The following NCKAP5 variants were observed in gnomAD, a reference collection of about 807,000 sequenced individuals.
NCKAP5 encodes NCK associated protein 5.
In NCKAP5, 92 loss-of-function variants were observed where a neutral mutation model predicts 167.0. The ratio of observed to expected loss-of-function variants is 0.55; its 90% CI spans 0.47 to 0.66. The LOEUF is 0.66. Among genes scored for constraint, NCKAP5 ranks in the 30% least tolerant of loss-of-function variants. The pLI is 0.00. For synonymous variants in NCKAP5, 891 were observed against 877.4 expected, an observed-to-expected ratio of 1.02 and a Z score of -0.27; for missense variants, 2,378 against 2,315.0, an observed-to-expected ratio of 1.03 and a Z score of -0.56.
At chr2:133,595,172 C>A in the NCKAP5 span, among the ~76,000 whole-genome samples, 6 of 152,214 alleles carry the variant, frequency 3.9e-5, no homozygotes, top group African/African-American at 1.4e-4. Flanking sequence ...AGGTCAAGAA[C>A]AAAGAGGCAA....
intron 6 of NCKAP5, among the ~76,000 whole-genome samples, chr2:133,009,263 C>T (rs1032547757): frequency 4.6e-5 from 7 of 152,218 alleles, no homozygotes; most frequent in South Asian, 2.1e-4. Context: ...TGGTTACATA[C>T]GAACAAAATG....
At chr2:132,791,370 G>T (rs1023142351) in intron 12 of NCKAP5, among the ~76,000 whole-genome samples, 7 of 152,322 alleles carry the variant, frequency 4.6e-5, no homozygotes, top group Middle Eastern at 3.4e-3. Flanking sequence ...TGGGTTTTTA[G>T]TGGAAGGTTC....
At chr2:133,032,144 G>T (rs1455227675) in intron 6 of NCKAP5, among the ~76,000 whole-genome samples, 4 of 152,064 alleles carry the variant, frequency 2.6e-5, no homozygotes, top group African/African-American at 7.2e-5. Flanking sequence ...AGCCACAGGG[G>T]AGAAAAGCAC....
At chr2:133,250,175 A>G (rs1230936650) in intron 4 of NCKAP5, among the ~76,000 whole-genome samples, 1 of 152,092 alleles carries the variant, frequency 6.6e-6, no homozygotes, top group Non-Finnish European at 1.5e-5. Context: ...TTTTGTTTCA[A>G]TGAACAGATA....
chr2:133,145,339 G>A (rs566763506), intron 5 of NCKAP5, among the ~76,000 whole-genome samples: 7 of 151,832 alleles, frequency 4.6e-5, no homozygotes, highest in Non-Finnish European at 8.8e-5. Context: ...GGGGCCTGTC[G>A]GGAAGTAGGG....
intron 5 of NCKAP5, among the ~76,000 whole-genome samples, chr2:133,130,621 A>G (rs550344639): frequency 2.0e-5 from 3 of 152,340 alleles, no homozygotes; most frequent in Middle Eastern, 3.4e-3. Flanking sequence ...TTGTCCAGTT[A>G]GGTCTTCAGA....
At chr2:133,590,257 G>A in the NCKAP5 span, among the ~76,000 whole-genome samples, 44 of 152,058 alleles carry the variant, frequency 2.9e-4, no homozygotes, top group Middle Eastern at 3.4e-3. Flanking sequence ...TTGGGAGGCC[G>A]AGGTGGGCAG....
Position 133,317,147 on chromosome 2 carries a change from T to C in NCKAP5, c.70-14037A>G, listed in dbSNP as rs558001225. ...ACAAAAAATAAACGTGTATCACCAA[T>C]AGAGAACATGAAAGCAAACCAAAAG... On this transcript the variant is annotated intron_variant, in intron 3 of 19. Coordinates refer to ENST00000409261, the MANE Select transcript of NCKAP5 (RefSeq NM_207363.3). Among the ~76,000 whole-genome samples, 4 of 152,148 alleles carry C rather than the reference T, an allele frequency of 2.6e-5. No homozygotes were observed. In the East Asian group the frequency reaches 7.7e-4, roughly 29 times the overall value.
chr2:132,781,930 A>T lies in NCKAP5; in HGVS notation c.4871+10T>A. Reference sequence around the variant, plus strand: ...CCTCTACATTGCTACCTGCTTTTCCAGTGAGTTACCTGTTCAAGAGTTCCG... The same window carrying T: ...CCTCTACATTGCTACCTGCTTTTCCTGTGAGTTACCTGTTCAAGAGTTCCG... On this transcript the variant is annotated intron_variant, in intron 14 of 19. Transcript: ENST00000409261. The T allele has an allele frequency of 1.9e-6, 3 of 1,599,184 alleles. No individual in the cohort carries two copies. The highest frequency in any genetic ancestry group is 2.6e-6 in the Non-Finnish European group (3 of 1,171,256).
the NCKAP5 span, among the ~76,000 whole-genome samples, chr2:133,666,186 CTTTTTT>C: frequency 1.8e-5 from 2 of 114,118 alleles, no homozygotes; most frequent in African/African-American, 3.4e-5. Context: ...GATCTACATC[CTTTTTT>C]TTTTTTTTTT....
the NCKAP5 span, among the ~76,000 whole-genome samples, chr2:133,667,198 T>C: frequency 6.6e-6 from 1 of 151,958 alleles, no homozygotes; most frequent in African/African-American, 2.4e-5. Flanking sequence ...ACAGTGAGAC[T>C]AATGAAATGA....
chr2:132,892,957 T>C (rs1329726951), intron 8 of NCKAP5, among the ~76,000 whole-genome samples: 1 of 133,390 alleles, frequency 7.5e-6, no homozygotes, highest in Non-Finnish European at 1.6e-5. Context: ...AGAATTTCTC[T>C]AGAAATAGGA....
Position 133,114,967 on chromosome 2 carries a change from T to C in NCKAP5, c.341+15011A>G, listed in dbSNP as rs116382800. Among the ~76,000 whole-genome samples, 946 of 152,292 alleles carry C rather than the reference T, an allele frequency of 6.2e-3. 11 individuals carry two copies. The highest frequency in any genetic ancestry group is 0.021 in the African/African-American group (891 of 41,562). On this transcript the variant is annotated intron_variant, in intron 6 of 19. Coordinates refer to ENST00000409261, the MANE Select transcript of NCKAP5 (RefSeq NM_207363.3). Reference sequence around the variant, plus strand: ...TTAAAAATTGCAAAATAGCTTCTAATTATATTCTTCTTTCTCCATTTATTA... The same window carrying C: ...TTAAAAATTGCAAAATAGCTTCTAACTATATTCTTCTTTCTCCATTTATTA...
intron 6 of NCKAP5, among the ~76,000 whole-genome samples, chr2:133,009,893 C>A (rs535402143): frequency 1.3e-5 from 2 of 151,950 alleles, no homozygotes; most frequent in African/African-American, 4.8e-5. Context: ...CATGGTGAAA[C>A]CCTGTCTCTA....
At chr2:133,562,741 G>A (rs1194380788) in intron 1 of NCKAP5, among the ~76,000 whole-genome samples, 1 of 152,170 alleles carries the variant, frequency 6.6e-6, no homozygotes, top group Non-Finnish European at 1.5e-5. Context: ...ATTTCTAAAA[G>A]GAGAGATCTG....
chr2:133,086,812 C>A (rs575192352), intron 6 of NCKAP5, among the ~76,000 whole-genome samples: 1 of 151,892 alleles, frequency 6.6e-6, no homozygotes, highest in African/African-American at 2.4e-5. Flanking sequence ...AAGAGAAAAC[C>A]GGATTTGTTG....
intron 4 of NCKAP5, among the ~76,000 whole-genome samples, chr2:133,293,695 T>C (rs551118024): frequency 8.5e-5 from 13 of 152,272 alleles, no homozygotes; most frequent in Middle Eastern, 3.4e-3. Flanking sequence ...AACATAACCA[T>C]TGAAGCATGT....
intron 3 of NCKAP5, among the ~76,000 whole-genome samples, chr2:133,397,169 T>G (rs569341913): frequency 2.0e-5 from 3 of 152,222 alleles, no homozygotes; most frequent in East Asian, 3.9e-4. Flanking sequence ...ATCTCTCAAA[T>G]CTCTCTGTTT....
intron 3 of NCKAP5, among the ~76,000 whole-genome samples, chr2:133,385,586 C>G (rs938111567): frequency 3.9e-5 from 6 of 152,182 alleles, no homozygotes; most frequent in Middle Eastern, 3.2e-3. Flanking sequence ...AGGATTCCCT[C>G]TTTTTCTATT....
Sources: gnomAD v4.1 joint callset for allele counts (sites outside exome capture counted in the v4.1 genomes callset) on GRCh38, gnomAD v4.1.1 for gene constraint, MANE v1.5 for transcripts, NCBI Gene and HGNC (gene_info 2026-07-23, HGNC 2026-07-21) for gene names.